The following ABCA5 variants were observed in gnomAD, a reference collection of about 807,000 sequenced individuals.
ABCA5 encodes the protein cholesterol transporter ABCA5.
In ABCA5, 163 loss-of-function variants were observed where a neutral mutation model predicts 206.0. The ratio of observed to expected loss-of-function variants is 0.79; its 90% confidence interval spans 0.70 to 0.90. The LOEUF is 0.90. Ranked by LOEUF, ABCA5 falls within the 40% of genes least tolerant of loss-of-function variation. The pLI, the probability that ABCA5 is intolerant of heterozygous loss-of-function variation, is 0.00. For missense variants in ABCA5, 1,859 were observed against 1,912.9 expected, an observed-to-expected ratio of 0.97 and a Z score of 0.53; for synonymous variants, 609 against 613.8, an observed-to-expected ratio of 0.99 and a Z score of 0.11.
At chr17:69,301,049 T>C (rs1018047212) in intron 9 of ABCA5, 90 bp downstream of exon 9, 2 of 1,206,910 alleles carry the variant, frequency 1.7e-6, no homozygotes, top group African/African-American at 3.5e-5. Flanking sequence ...GTACCCTGGT[T>C]AGGAAAAAAA....
intron 27 of ABCA5, 67 bp downstream of exon 27, chr17:69,260,271 G>C (rs2075132194): frequency 8.1e-7 from 1 of 1,236,746 alleles, no homozygotes; most frequent in South Asian, 1.5e-5. Context: ...ACTAAACATA[G>C]TTAAAACCAT....
chr17:69,301,604 T>C (rs2075653022), intron 8 of ABCA5, among the ~76,000 whole-genome samples: 1 of 152,070 alleles, frequency 6.6e-6, no homozygotes, highest in Admixed American at 6.5e-5. Flanking sequence ...ACTGCAATAT[T>C]AATAATAACA....
At chr17:69,266,397 C>T (rs1028294166) in intron 23 of ABCA5, among the ~76,000 whole-genome samples, 4 of 151,890 alleles carry the variant, frequency 2.6e-5, no homozygotes, top group Admixed American at 1.3e-4. Flanking sequence ...GTAAAGAGTA[C>T]ACAGGATCTC....
intron 25 of ABCA5, 142 bp downstream of exon 25, chr17:69,261,493 T>C (rs972266076): frequency 1.6e-6 from 1 of 618,740 alleles, no homozygotes; most frequent in Non-Finnish European, 2.8e-6. Flanking sequence ...AGAAGACAAA[T>C]GTACACACAA....
chr17:69,286,643 T>C (rs1251214774), intron 15 of ABCA5, among the ~76,000 whole-genome samples: 1 of 152,180 alleles, frequency 6.6e-6, no homozygotes, highest in Non-Finnish European at 1.5e-5. Flanking sequence ...ACAAGCACTT[T>C]CACAATTTCC....
chr17:69,297,543 TAAGTA>T (rs1256420646), intron 9 of ABCA5, among the ~76,000 whole-genome samples, 184 bp from the exon 10 acceptor site: 1 of 152,184 alleles, frequency 6.6e-6, no homozygotes. Context: ...TGAAAAGTAA[TAAGTA>T]AATAAAGATT....
chr17:69,245,249 T>C lies in ABCA5; in HGVS notation c.*2288A>G, dbSNP rs1568083241. 1 of 151,946 alleles carries C rather than the reference T, an allele frequency of 6.6e-6. No homozygotes were observed. The highest frequency in any genetic ancestry group is 2.4e-5 in the African/African-American group (1 of 41,442). 9.4% of individuals were successfully genotyped at this position (151,946 alleles called of 1,614,324 possible). On this transcript the variant is annotated 3_prime_UTR_variant, in exon 39 of 39. Transcript: ENST00000392676. ...CTCATCATGTTTTTTCTTGCCTTAT[T>C]AGTCAGTAAACACTCACTCAGTAAA...
chr17:69,249,705 ATCT>A (rs1449213038), intron 37 of ABCA5, 197 bp downstream of exon 37: 6 of 586,782 alleles, frequency 1.0e-5, no homozygotes, highest in Admixed American at 3.6e-5. Context: ...ATAAAAGGTT[ATCT>A]TCTTATCTGC....
At chr17:69,275,116 T>A (rs2075316751) in intron 19 of ABCA5, among the ~76,000 whole-genome samples, 1 of 152,190 alleles carries the variant, frequency 6.6e-6, no homozygotes, top group Non-Finnish European at 1.5e-5. Flanking sequence ...AGTGCTGGGA[T>A]TTCAGGTGTG....
intron 17 of ABCA5, 63 bp from the exon 18 acceptor site, chr17:69,284,135 T>C: frequency 7.5e-7 from 1 of 1,337,702 alleles, no homozygotes; most frequent in Non-Finnish European, 9.9e-7. Flanking sequence ...TATTGTAAAA[T>C]ATCCTTTAAA....
In ABCA5 at chr17:69,255,777, ACTTTT is replaced by A; in HGVS notation, c.3927_3931del (p.Arg1309SerfsTer7). ...GATGTATTTAGTTGCCACTTTCTTTACTTTTCTTGAAAGAAGAAAATCTTTCTTGT... is the reference window on the plus strand; with the variant it reads ...GATGTATTTAGTTGCCACTTTCTTTACTTGAAAGAAGAAAATCTTTCTTGT... On this transcript the variant is annotated frameshift_variant, in exon 30 of 39. Transcript: ENST00000392676. LOFTEE classifies it high-confidence loss of function. The A allele has an allele frequency of 6.3e-7, 1 of 1,599,034 alleles. No homozygotes were observed. The highest frequency in any genetic ancestry group is 2.2e-5 in the East Asian group (1 of 44,534).
chr17:69,263,234 A>T (rs1297850880), intron 24 of ABCA5, among the ~76,000 whole-genome samples: 1 of 152,122 alleles, frequency 6.6e-6, no homozygotes, highest in Non-Finnish European at 1.5e-5. Flanking sequence ...TCTTTAGTTT[A>T]ATTAGGTGCC....
chr17:69,265,327 A>G (rs1282440291), intron 23 of ABCA5, among the ~76,000 whole-genome samples: 1 of 152,162 alleles, frequency 6.6e-6, no homozygotes, highest in Non-Finnish European at 1.5e-5. Context: ...TTTCATAAAT[A>G]AAAACACTAA....
intron 28 of ABCA5, among the ~76,000 whole-genome samples, chr17:69,257,156 G>A (rs1336657143): frequency 4.6e-5 from 7 of 152,110 alleles, no homozygotes; most frequent in African/African-American, 1.7e-4. Context: ...CTTGAGGTCA[G>A]CAGTTCAACA....
At chr17:69,256,315 A>G (rs964900242) in intron 28 of ABCA5, 32 bp from the exon 29 acceptor site, 8 of 1,396,962 alleles carry the variant, frequency 5.7e-6, no homozygotes, top group Admixed American at 2.3e-5. Flanking sequence ...AAAAGACAGT[A>G]GGTTTTCAAA....
At chr17:69,278,846 T>C (rs971133156) in intron 18 of ABCA5, among the ~76,000 whole-genome samples, 1 of 151,886 alleles carries the variant, frequency 6.6e-6, no homozygotes, top group African/African-American at 2.4e-5. Flanking sequence ...CCCTTCATGC[T>C]AAAAACTCTC....
intron 14 of ABCA5, among the ~76,000 whole-genome samples, chr17:69,288,530 A>G (rs2075486655): frequency 6.6e-6 from 1 of 152,130 alleles, no homozygotes; most frequent in Admixed American, 6.5e-5. Flanking sequence ...CAATTCAGCA[A>G]TGTTATTTTT....
chr17:69,294,677 A>G lies in ABCA5; in HGVS notation c.1473T>C (p.Gly491=), dbSNP rs759254065. 1.2e-6 allele frequency: 2 copies of G among 1,607,602 alleles called. No individual in the cohort carries two copies. Among genetic ancestry groups the G allele is most frequent in the Non-Finnish European group, 1.7e-6 (2 of 1,175,620 alleles). The part of the protein sequence containing the change: ...SGIQKTYRKK[G]ENVEALRNLS... ...TACTTCTCAAAGCCTCCACATTTTC[A>G]CCCTTCTTTCTGTATGTCTTCTGAA... Residue 491 remains glycine, a synonymous_variant, in exon 11 of 39, where the codon GGT becomes GGC. Transcript: ENST00000392676.
intron 27 of ABCA5, 95 bp downstream of exon 27, chr17:69,260,243 C>T: frequency 1.1e-6 from 1 of 913,908 alleles, no homozygotes; most frequent in African/African-American, 1.7e-5. Context: ...CCTTCTTTTT[C>T]ATGCAACAGG....
Sources: gnomAD v4.1 joint callset for allele counts (sites outside exome capture counted in the v4.1 genomes callset) on GRCh38, gnomAD v4.1.1 for gene constraint, MANE v1.5 for transcripts, NCBI Gene and HGNC (gene_info 2026-07-23, HGNC 2026-07-21) for gene names.